The following PLPP1 variants were observed in gnomAD, a reference collection of about 807,000 sequenced individuals.
PLPP1 encodes phospholipid phosphatase 1, also known as lipid phosphate phosphohydrolase 1a.
PLPP1 carries 24 observed loss-of-function variants against 31.2 expected under a neutral mutation model. The ratio of observed to expected loss-of-function variants is 0.77; its 90% CI spans 0.56 to 1.08. The LOEUF is 1.08. Ranked by LOEUF, PLPP1 falls within the 50% of genes least tolerant of loss-of-function variation. The pLI is 0.00. For synonymous variants in PLPP1, 146 were observed against 126.3 expected (o/e 1.16, Z -1.05); for missense variants, 319 against 342.7 (o/e 0.93, Z 0.55).
chr5:55,426,171 T>G, intron 4 of PLPP1, 132 bp from the exon 5 acceptor site: 1 of 746,622 alleles, frequency 1.3e-6, no homozygotes, highest in South Asian at 2.3e-5. Context: ...AGGCAAACAT[T>G]CACGTACGCA....
chr5:55,444,770 T>TGTGTGTGTGTGTGTGA (rs1339633741), intron 3 of PLPP1, among the ~76,000 whole-genome samples: 2 of 151,242 alleles, frequency 1.3e-5, no homozygotes, highest in African/African-American at 2.4e-5. Context: ...TGTGTGTGTG[T>TGTGTGTGTGTGTGTGA]GATGGAGTCT....
chr5:55,473,355 C>G (rs185896965), intron 2 of PLPP1, among the ~76,000 whole-genome samples: 2 of 152,150 alleles, frequency 1.3e-5, no homozygotes, highest in African/African-American at 2.4e-5. Context: ...ATGCTGGGCT[C>G]CATGCCAGGC....
chr5:55,463,235 T>C (rs1030374529), intron 3 of PLPP1, among the ~76,000 whole-genome samples: 5 of 152,030 alleles, frequency 3.3e-5, no homozygotes, highest in Admixed American at 1.3e-4. Context: ...ACCTAATGCA[T>C]GTGGGGCTTA....
intron 4 of PLPP1, among the ~76,000 whole-genome samples, chr5:55,440,711 C>A (rs530913863): frequency 6.6e-6 from 1 of 152,278 alleles, no homozygotes; most frequent in East Asian, 1.9e-4. Flanking sequence ...TTTACATATT[C>A]TTTTAATGTT....
chr5:55,495,168 T>C (rs1752980331), intron 1 of PLPP1, among the ~76,000 whole-genome samples: 1 of 150,384 alleles, frequency 6.6e-6, no homozygotes, highest in African/African-American at 2.4e-5. Flanking sequence ...AATGGCTAAG[T>C]GAATAAAATT....
intron 1 of PLPP1, among the ~76,000 whole-genome samples, chr5:55,477,916 G>A (rs1252363633): frequency 1.3e-5 from 2 of 151,640 alleles, no homozygotes; most frequent in Non-Finnish European, 2.9e-5. Flanking sequence ...GGAGGTAGAG[G>A]TTGCAGTGAG....
intron 3 of PLPP1, among the ~76,000 whole-genome samples, chr5:55,445,341 T>C (rs778827545): frequency 1.3e-5 from 2 of 152,150 alleles, no homozygotes; most frequent in Non-Finnish European, 2.9e-5. Flanking sequence ...TCAACTCATA[T>C]AAAGCATATC....
intron 1 of PLPP1, among the ~76,000 whole-genome samples, chr5:55,514,596 A>C (rs1753513918): frequency 6.6e-6 from 1 of 152,242 alleles, no homozygotes; most frequent in African/African-American, 2.4e-5. Flanking sequence ...CAGAAGGAAA[A>C]CATAAAAACT....
intron 1 of PLPP1, among the ~76,000 whole-genome samples, chr5:55,507,567 T>C (rs1467367426): frequency 6.6e-6 from 1 of 152,242 alleles, no homozygotes; most frequent in Non-Finnish European, 1.5e-5. Context: ...CCCCACCTTA[T>C]GCCACGACAG....
In PLPP1 at chr5:55,424,871, T is replaced by C; in HGVS notation, c.*335A>G. The C allele has an allele frequency of 1.2e-6, 1 of 801,840 alleles. No individual in the cohort carries two copies. The highest frequency in any genetic ancestry group is 2.1e-6 in the Non-Finnish European group (1 of 477,434). 49.7% of individuals were successfully genotyped at this position (801,840 alleles called of 1,614,324 possible). ...AGTGTGGATTTGGTTCTCCCATACA[T>C]TTTAATATGTATTATATTTAAATCA... is the stretch of plus-strand genomic sequence containing the variant. On this transcript the variant is annotated 3_prime_UTR_variant, in exon 6 of 6. Transcript: ENST00000307259.
At position 55,512,203 on chromosome 5, in the gene PLPP1, G is replaced by C. The variant is rs191401170; in HGVS notation, c.58+22369C>G. 1.6e-4 allele frequency among the ~76,000 whole-genome samples: 25 copies of C among 152,128 alleles called. No homozygotes were observed. The East Asian group carries it at 4.7e-3, about 28-fold the overall frequency. On this transcript the variant is annotated intron_variant, in intron 1 of 5. Coordinates refer to ENST00000307259, the MANE Select transcript of PLPP1 (RefSeq NM_003711.4). ...GAAAGCAAGCTGGTCAGGCGATGCA[G>C]CTCAAGCCTATAATCCCAGCAATTT... is the stretch of plus-strand genomic sequence containing the variant.
At chr5:55,484,676 G>A (rs1752739604) in intron 1 of PLPP1, 1 of 152,094 alleles carries the variant, frequency 6.6e-6, no homozygotes, top group African/African-American at 2.4e-5. Flanking sequence ...AGTAATAGGA[G>A]GGTCTTTGTT....
chr5:55,425,047 A>G lies in PLPP1; in HGVS notation c.*159T>C, dbSNP rs1007763465. 6.5e-5 allele frequency: 65 copies of G among 1,006,058 alleles called. No homozygotes were observed. Among genetic ancestry groups the G allele is most frequent in the Non-Finnish European group, 8.2e-5 (56 of 687,098 alleles). The allele number at this position is 1,006,058 out of a possible 1,614,324, so 62.3% of individuals were successfully genotyped here. A position where few individuals can be genotyped will look rare whatever the true frequency, so the allele number is the denominator to read the frequency against. On this transcript the variant is annotated 3_prime_UTR_variant, in exon 6 of 6. Coordinates refer to ENST00000307259, the MANE Select transcript of PLPP1 (RefSeq NM_003711.4). ...AGCTATTAGATAACCACTGAGTTAAAGGTAACTATGTACACACAAAGTGTG... is the reference window on the plus strand; with the variant it reads ...AGCTATTAGATAACCACTGAGTTAAGGGTAACTATGTACACACAAAGTGTG...
At chr5:55,435,945 C>T (rs759789909) in intron 4 of PLPP1, among the ~76,000 whole-genome samples, 2 of 145,902 alleles carry the variant, frequency 1.4e-5, no homozygotes, top group East Asian at 2.2e-4. Context: ...ACCCAGAAGG[C>T]GGAGGTTGCA....
intron 3 of PLPP1, among the ~76,000 whole-genome samples, chr5:55,444,715 C>T (rs892551847): frequency 5.9e-5 from 6 of 101,532 alleles, no homozygotes; most frequent in Admixed American, 4.2e-4. Context: ...ATTTTGACTA[C>T]ATAAATCACT....
Position 55,473,998 on chromosome 5 carries a change from T to TTTTTG in PLPP1, c.210+1300_210+1301insCAAAA, listed in dbSNP as rs1554039239. Among the ~76,000 whole-genome samples, 217 of 143,808 alleles carry TTTTTG rather than the reference T, an allele frequency of 1.5e-3. 5 individuals carry two copies. The highest frequency in any genetic ancestry group is 2.1e-3 in the South Asian group (10 of 4,694). The allele number at this position is 143,808 out of a possible 152,430, so 94.3% of individuals were successfully genotyped here. On this transcript the variant is annotated intron_variant, in intron 2 of 5. Coordinates refer to ENST00000307259, the MANE Select transcript of PLPP1 (RefSeq NM_003711.4). ...TTCTGGTTTTTTTGTTTGTTTGTTG[T>TTTTTG]TTTTTTTTTTTTTTTCCAGACGGAG...
intron 3 of PLPP1, among the ~76,000 whole-genome samples, chr5:55,446,899 C>T (rs1751778464): frequency 6.6e-6 from 1 of 152,196 alleles, no homozygotes; most frequent in African/African-American, 2.4e-5. Flanking sequence ...ATCTGTGCCC[C>T]ATGTTCACTG....
chr5:55,465,380 A>G (rs1752266812), intron 3 of PLPP1, among the ~76,000 whole-genome samples: 1 of 152,072 alleles, frequency 6.6e-6, no homozygotes, highest in Admixed American at 6.5e-5. Flanking sequence ...GCATTCATAA[A>G]TATGTATGGT....
At chr5:55,430,901 TA>T (rs969861522) in intron 4 of PLPP1, among the ~76,000 whole-genome samples, 10 of 151,262 alleles carry the variant, frequency 6.6e-5, no homozygotes, top group African/African-American at 1.7e-4. Flanking sequence ...GACATAGATA[TA>T]AAAAAAAATT....
Sources: gnomAD v4.1 joint callset for allele counts (sites outside exome capture counted in the v4.1 genomes callset) on GRCh38, gnomAD v4.1.1 for gene constraint, MANE v1.5 for transcripts, NCBI Gene and HGNC (gene_info 2026-07-23, HGNC 2026-07-21) for gene names.